The following REC114 variants were observed in gnomAD, a reference collection of about 807,000 sequenced individuals.
The protein encoded by REC114 is REC114 meiotic recombination protein, also known as meiotic recombination protein REC114.
Under a neutral mutation model 31.3 loss-of-function variants are expected in REC114, and 27 were observed. That is an observed-to-expected ratio of 0.86 (90% confidence interval 0.64 to 1.19). The LOEUF (loss-of-function observed/expected upper bound fraction) is 1.19, where lower values mean the gene tolerates loss of function less well. REC114 is among the 50% of genes most tolerant of loss of function. REC114 has a pLI of 0.00. For synonymous variants in REC114, 134 were observed against 127.7 expected, an observed-to-expected ratio of 1.05 and a Z score of -0.33; for missense variants, 344 against 326.9, an observed-to-expected ratio of 1.05 and a Z score of -0.40.
intron 1 of REC114, among the ~76,000 whole-genome samples, chr15:73,454,903 T>G (rs1207797020): frequency 2.0e-5 from 3 of 152,204 alleles, no homozygotes; most frequent in Non-Finnish European, 2.9e-5. Context: ...TTATTACAAT[T>G]TTTTTACTTC....
chr15:73,544,090 AGT>A (rs913225714), intron 3 of REC114, among the ~76,000 whole-genome samples: 1 of 151,906 alleles, frequency 6.6e-6, no homozygotes, highest in Non-Finnish European at 1.5e-5. Context: ...GGACCACAGG[AGT>A]GTGCCACCAT....
At chr15:73,520,463 T>TCAAGTGA in intron 2 of REC114, among the ~76,000 whole-genome samples, 1 of 152,182 alleles carries the variant, frequency 6.6e-6, no homozygotes, top group Non-Finnish European at 1.5e-5. Flanking sequence ...ACTCCTGACC[T>TCAAGTGA]TGTGATCCAC....
chr15:73,496,459 C>G (rs983797892), intron 2 of REC114, among the ~76,000 whole-genome samples: 1 of 151,534 alleles, frequency 6.6e-6, no homozygotes, highest in Non-Finnish European at 1.5e-5. Context: ...TGGAGACCAC[C>G]CTGGCCAACA....
intron 1 of REC114, among the ~76,000 whole-genome samples, chr15:73,461,676 T>C (rs187408800): frequency 1.1e-4 from 17 of 152,266 alleles, no homozygotes; most frequent in East Asian, 1.9e-4. Flanking sequence ...GCTATTGTTA[T>C]TTAACTGATG....
chr15:73,474,687 G>A (rs1001463314), intron 2 of REC114, among the ~76,000 whole-genome samples: 2 of 152,298 alleles, frequency 1.3e-5, no homozygotes, highest in African/African-American at 4.8e-5. Context: ...TAGGGATATA[G>A]CAGTGAACAG....
At chr15:73,448,975 G>T (rs1200549053) in intron 1 of REC114, among the ~76,000 whole-genome samples, 2 of 152,114 alleles carry the variant, frequency 1.3e-5, no homozygotes, top group East Asian at 1.9e-4. Context: ...TGTCTACTCA[G>T]AGACCCCACC....
At chr15:73,490,234 A>G (rs1227489037) in intron 2 of REC114, among the ~76,000 whole-genome samples, 2 of 152,210 alleles carry the variant, frequency 1.3e-5, no homozygotes, top group African/African-American at 4.8e-5. Flanking sequence ...GCTTTTCAGC[A>G]TTCTGGAAAT....
rs1025760353 is a variant in REC114, at chr15:73,556,007, C to G, written c.547-295C>G. 2.0e-5 allele frequency among the ~76,000 whole-genome samples: 3 copies of G among 152,152 alleles called. No individual in the cohort carries two copies. In the South Asian group the frequency reaches 6.2e-4, roughly 32 times the overall value. On this transcript the variant is annotated intron_variant, in intron 4 of 5. Coordinates refer to ENST00000331090, the MANE Select transcript of REC114 (RefSeq NM_001042367.2). ...TGGTCCTGAATCCTAGGCTGGGCCT[C>G]TAACAACAGAGGAATGCCCCAGTGT... is the stretch of plus-strand genomic sequence containing the variant.
chr15:73,453,662 A>G (rs911811906), intron 1 of REC114, among the ~76,000 whole-genome samples: 2 of 152,202 alleles, frequency 1.3e-5, no homozygotes, highest in African/African-American at 4.8e-5. Flanking sequence ...ATAAAGACAC[A>G]TGCACATGTA....
intron 3 of REC114, among the ~76,000 whole-genome samples, chr15:73,546,438 A>G (rs1317695394): frequency 6.6e-6 from 1 of 152,210 alleles, no homozygotes; most frequent in Non-Finnish European, 1.5e-5. Context: ...ATAGGAACAA[A>G]GGCTGGAAAT....
At chr15:73,448,529 C>G (rs1197192126) in intron 1 of REC114, among the ~76,000 whole-genome samples, 1 of 152,178 alleles carries the variant, frequency 6.6e-6, no homozygotes, top group Non-Finnish European at 1.5e-5. Context: ...CCGCATCTCC[C>G]TGGGACAGAG....
intron 2 of REC114, among the ~76,000 whole-genome samples, chr15:73,513,588 T>C (rs1266429096): frequency 2.0e-5 from 3 of 151,642 alleles, no homozygotes; most frequent in African/African-American, 7.3e-5. Context: ...ATCTACTTTT[T>C]GTCTTTGATG....
At chr15:73,451,729 C>A (rs111353062) in intron 1 of REC114, among the ~76,000 whole-genome samples, 96 of 152,238 alleles carry the variant, frequency 6.3e-4, no homozygotes, top group Middle Eastern at 3.4e-3. Context: ...ATGCGAAAAT[C>A]CTCCATAAAA....
intron 1 of REC114, among the ~76,000 whole-genome samples, chr15:73,461,179 C>A (rs937988431): frequency 8.6e-5 from 13 of 151,544 alleles, no homozygotes; most frequent in African/African-American, 3.2e-4. Context: ...CTTTGTATTT[C>A]TGTGAAACAC....
At chr15:73,504,448 C>T (rs554084904) in intron 2 of REC114, among the ~76,000 whole-genome samples, 30 of 152,230 alleles carry the variant, frequency 2.0e-4, no homozygotes, top group Non-Finnish European at 3.4e-4. Flanking sequence ...ATGCAACCTA[C>T]AGTTCTTTAC....
intron 2 of REC114, among the ~76,000 whole-genome samples, chr15:73,490,523 A>C (rs529696414): frequency 6.6e-6 from 1 of 152,240 alleles, no homozygotes; most frequent in South Asian, 2.1e-4. Flanking sequence ...AGACCTGGCA[A>C]CATAATGAGA....
chr15:73,490,947 C>T (rs1893432823), intron 2 of REC114, among the ~76,000 whole-genome samples: 1 of 152,032 alleles, frequency 6.6e-6, no homozygotes, highest in African/African-American at 2.4e-5. Flanking sequence ...AATATGTGCT[C>T]TTTTTGTGTC....
In REC114 at chr15:73,443,303, C is replaced by G. The variant is rs1260279621; in HGVS notation, c.118C>G (p.Pro40Ala). 2 of 1,582,722 alleles carry G rather than the reference C, an allele frequency of 1.3e-6. No homozygotes were observed. The highest frequency in any genetic ancestry group is 2.7e-5 in the African/African-American group (2 of 74,418). ...CTCAAACACCAGAGACCCACCTGGG[C>G]CATGCCTGGAAGCTGGGACAGCCCC... ...IPSNTRDPPG[P>A]CLEAGTAPCP... The change falls in exon 1 of 6, where the codon CCA (proline) becomes GCA (alanine). Residue 40 changes from proline to alanine, a missense_variant. By Grantham distance (27) the Pro-to-Ala change is conservative. Coordinates refer to ENST00000331090, the MANE Select transcript of REC114 (RefSeq NM_001042367.2).
intron 2 of REC114, among the ~76,000 whole-genome samples, chr15:73,492,094 T>C (rs917269904): frequency 5.3e-5 from 8 of 152,156 alleles, no homozygotes; most frequent in African/African-American, 1.7e-4. Context: ...ATTTTTTATA[T>C]GCTTATTGGC....
Sources: gnomAD v4.1 joint callset for allele counts (sites outside exome capture counted in the v4.1 genomes callset) on GRCh38, gnomAD v4.1.1 for gene constraint, MANE v1.5 for transcripts, NCBI Gene and HGNC (gene_info 2026-07-23, HGNC 2026-07-21) for gene names.